EDIL3: variants seen among roughly 807,000 people sequenced by gnomAD.
The protein encoded by EDIL3 is EGF like and discoidin domains 3.
Under a neutral mutation model 67.4 loss-of-function variants are expected in EDIL3, and 37 were observed. That is an observed-to-expected ratio of 0.55 (90% CI 0.42 to 0.72). The LOEUF is 0.72. Ranked by LOEUF, EDIL3 falls within the 30% of genes least tolerant of loss-of-function variation. The pLI is 0.00. For synonymous variants in EDIL3, 195 were observed against 196.3 expected (o/e 0.99, Z 0.05); for missense variants, 527 against 586.3 (o/e 0.90, Z 1.04).
intron 9 of EDIL3, among the ~76,000 whole-genome samples, chr5:83,978,855 G>A (rs1744917659): frequency 6.6e-6 from 1 of 152,018 alleles, no homozygotes; most frequent in Admixed American, 6.6e-5. Context: ...TGTAAAAAGT[G>A]AAACTTCAAG....
chr5:84,345,821 A>G (rs971011649), intron 1 of EDIL3, among the ~76,000 whole-genome samples: 1 of 152,224 alleles, frequency 6.6e-6, no homozygotes, highest in Non-Finnish European at 1.5e-5. Context: ...AGAAATGGAT[A>G]TATTTCATGC....
Position 83,943,585 on chromosome 5 carries a change from G to A in EDIL3, c.1294-17C>T. On this transcript the variant is annotated splice_polypyrimidine_tract_variant and intron_variant, in intron 10 of 10. Coordinates refer to ENST00000296591, the MANE Select transcript of EDIL3 (RefSeq NM_005711.5). Reference sequence around the variant, plus strand: ...CTGGAAAACCTAATAAAGAAGAGCAGAAAAATGTCAGTCACACAGCCTTCT... The same window carrying A: ...CTGGAAAACCTAATAAAGAAGAGCAAAAAAATGTCAGTCACACAGCCTTCT... The A allele has an allele frequency of 8.1e-6, 13 of 1,609,988 alleles. No individual in the cohort carries two copies. The highest frequency in any genetic ancestry group is 9.3e-6 in the Non-Finnish European group (11 of 1,177,662).
At chr5:84,362,725 T>G (rs567626989) in intron 1 of EDIL3, among the ~76,000 whole-genome samples, 15 of 152,236 alleles carry the variant, frequency 9.9e-5, no homozygotes, top group African/African-American at 3.6e-4. Context: ...TAACATATTC[T>G]CAATTAAAGT....
chr5:84,081,603 G>C (rs1475011037), intron 6 of EDIL3, among the ~76,000 whole-genome samples: 2 of 152,108 alleles, frequency 1.3e-5, no homozygotes, highest in African/African-American at 4.8e-5. Context: ...TGCTATGAAG[G>C]GGAGAGGGAA....
At chr5:84,378,441 A>T (rs979595830) in intron 1 of EDIL3, among the ~76,000 whole-genome samples, 1 of 152,112 alleles carries the variant, frequency 6.6e-6, no homozygotes, top group African/African-American at 2.4e-5. Flanking sequence ...CTGCTTTTAC[A>T]TATACTATTC....
At chr5:84,257,845 G>C (rs1298678362) in intron 1 of EDIL3, among the ~76,000 whole-genome samples, 1 of 152,114 alleles carries the variant, frequency 6.6e-6, no homozygotes, top group Non-Finnish European at 1.5e-5. Flanking sequence ...TGAGAGCAAA[G>C]AGAAACGAAG....
chr5:83,965,207 TC>T (rs1185282924), intron 9 of EDIL3, among the ~76,000 whole-genome samples: 1 of 152,076 alleles, frequency 6.6e-6, no homozygotes, highest in Non-Finnish European at 1.5e-5. Flanking sequence ...TGTGACTCCT[TC>T]AGAAATTTCT....
chr5:84,048,212 T>G, intron 9 of EDIL3: 1 of 428,494 alleles, frequency 2.3e-6, no homozygotes, highest in Non-Finnish European at 4.6e-6. Context: ...TCCTTCATAT[T>G]GACAAATGTT....
chr5:84,340,534 C>CTCTCTCTATATATA (rs1432966515), intron 1 of EDIL3, among the ~76,000 whole-genome samples: 5 of 54,204 alleles, frequency 9.2e-5, no homozygotes, highest in Admixed American at 2.5e-4. Context: ...CTCTCTCTCT[C>CTCTCTCTATATATA]TATATATATA....
chr5:84,362,686 A>T (rs1218594828), intron 1 of EDIL3, among the ~76,000 whole-genome samples: 1 of 152,146 alleles, frequency 6.6e-6, no homozygotes, highest in African/African-American at 2.4e-5. Flanking sequence ...CATGCCTCTT[A>T]TTATCCCCAA....
intron 4 of EDIL3, among the ~76,000 whole-genome samples, chr5:84,169,004 C>T (rs984492407): frequency 6.6e-6 from 1 of 152,094 alleles, no homozygotes. Flanking sequence ...ATGCTCCAGA[C>T]ACATACCCAT....
chr5:83,977,055 C>G (rs1043565712), intron 9 of EDIL3, among the ~76,000 whole-genome samples: 8 of 151,658 alleles, frequency 5.3e-5, no homozygotes, highest in Non-Finnish European at 1.2e-4. Context: ...CGTTCTTATA[C>G]TTATCGCTTG....
chr5:84,326,194 G>A (rs560302590), intron 1 of EDIL3, among the ~76,000 whole-genome samples: 4 of 152,100 alleles, frequency 2.6e-5, no homozygotes, highest in Admixed American at 6.6e-5. Flanking sequence ...GGGTCCTCAC[G>A]AGATGAAGTC....
chr5:84,113,152 T>C (rs1413921681), intron 5 of EDIL3, among the ~76,000 whole-genome samples: 3 of 152,188 alleles, frequency 2.0e-5, no homozygotes, highest in Admixed American at 6.5e-5. Flanking sequence ...AGAGAGGGCA[T>C]AGTGGCAATT....
intron 4 of EDIL3, among the ~76,000 whole-genome samples, chr5:84,143,943 G>A (rs1748248453): frequency 6.6e-6 from 1 of 152,040 alleles, no homozygotes. Flanking sequence ...TGTATGTACT[G>A]TACCAGTGAG....
intron 4 of EDIL3, among the ~76,000 whole-genome samples, chr5:84,140,184 A>C (rs1174824872): frequency 1.3e-5 from 2 of 152,152 alleles, no homozygotes; most frequent in Non-Finnish European, 2.9e-5. Flanking sequence ...AACCCACAAA[A>C]GATTTGATGT....
chr5:84,256,363 A>G (rs1477087773), intron 1 of EDIL3, among the ~76,000 whole-genome samples: 1 of 152,174 alleles, frequency 6.6e-6, no homozygotes, highest in East Asian at 1.9e-4. Flanking sequence ...ATTATACTAC[A>G]CAGTAGTAAC....
intron 1 of EDIL3, among the ~76,000 whole-genome samples, chr5:84,290,035 C>T (rs1215068622): frequency 6.6e-6 from 1 of 152,126 alleles, no homozygotes. Context: ...TTTAATGGGA[C>T]CCTCAGATCC....
At chr5:83,953,807 G>A (rs1010756842) in intron 10 of EDIL3, among the ~76,000 whole-genome samples, 6 of 151,746 alleles carry the variant, frequency 4.0e-5, no homozygotes, top group African/African-American at 1.2e-4. Flanking sequence ...TGAGAAATGT[G>A]TTGCCTCTGT....
Sources: gnomAD v4.1 joint callset for allele counts (sites outside exome capture counted in the v4.1 genomes callset) on GRCh38, gnomAD v4.1.1 for gene constraint, MANE v1.5 for transcripts, NCBI Gene and HGNC (gene_info 2026-07-23, HGNC 2026-07-21) for gene names.